The following DNAH5 variants were observed in gnomAD, a reference collection of about 807,000 sequenced individuals.
DNAH5 encodes dynein axonemal heavy chain 5.
Under a neutral mutation model 518.2 loss-of-function variants are expected in DNAH5, and 372 were observed. The observed-to-expected ratio is 0.72, with a 90% CI of 0.66 to 0.78. The LOEUF (loss-of-function observed/expected upper bound fraction) is 0.78. DNAH5 is among the 30% of genes least tolerant of loss of function. DNAH5 has a pLI of 0.00. For synonymous variants in DNAH5, 2,039 were observed against 2,025.9 expected (o/e 1.01, Z -0.17); for missense variants, 5,523 against 5,687.0 (o/e 0.97, Z 0.93).
intron 40 of DNAH5, 30 bp downstream of exon 40, chr5:13,823,233 C>T (rs1394198926): frequency 2.9e-6 from 4 of 1,384,890 alleles, no homozygotes; most frequent in Non-Finnish European, 4.1e-6. Context: ...AAACAGACAC[C>T]AGCCCTCGTT....
intron 43 of DNAH5, among the ~76,000 whole-genome samples, chr5:13,813,126 C>A (rs1760936108): frequency 1.3e-5 from 2 of 152,138 alleles, no homozygotes; most frequent in Non-Finnish European, 2.9e-5. Context: ...CAATCTGATT[C>A]TTCTCATGAG....
At position 13,829,512 on chromosome 5, in the gene DNAH5, G is replaced by C; in HGVS notation, c.6442C>G (p.Gln2148Glu). The part of the protein sequence containing the change: ...YKLCEEQLSK[Q>E]VHYDFGLRNI... ...ATAAGACCTCCAGGATGACACACCT[G>C]CTTAGAAAGCTGCTCCTCACACAGT... Residue 2148 changes from glutamine (Q) to glutamate (E), a missense_variant and splice_region_variant, in exon 38 of 79, where the codon CAG (glutamine) becomes GAG (glutamate). This residue lies in a region of DNAH5 where 5,121 missense variants were observed against 5,223.3 expected (regional missense o/e 0.98). Transcript: ENST00000265104. 6.2e-7 allele frequency: 1 copy of C among 1,614,084 alleles called. No individual in the cohort carries two copies. The highest frequency in any genetic ancestry group is 1.7e-5 in the Admixed American group (1 of 60,010).
intron 35 of DNAH5, among the ~76,000 whole-genome samples, chr5:13,833,442 CAA>C (rs59325595): frequency 5.0e-5 from 6 of 119,540 alleles, no homozygotes; most frequent in African/African-American, 6.3e-5. Flanking sequence ...GACTCCTTCC[CAA>C]AAAAAAAAAA....
Position 13,709,878 on chromosome 5 carries a change from C to T in DNAH5, c.13126-1543G>A, listed in dbSNP as rs1045415497. Among the ~76,000 whole-genome samples the T allele has an allele frequency of 3.3e-5, 5 of 152,184 alleles. No homozygotes were observed. In the East Asian group the frequency reaches 7.7e-4, roughly 23 times the overall value. ...CTACTTGGTGGTCCTTCCCTACCCACCCTGGTAGTGGAAGACAAACGGCAT... is the reference window on the plus strand; with the variant it reads ...CTACTTGGTGGTCCTTCCCTACCCATCCTGGTAGTGGAAGACAAACGGCAT... On this transcript the variant is annotated intron_variant, in intron 75 of 78. Coordinates refer to ENST00000265104, the MANE Select transcript of DNAH5 (RefSeq NM_001369.3).
intron 39 of DNAH5, among the ~76,000 whole-genome samples, chr5:13,823,615 G>A (rs912894917): frequency 1.3e-5 from 2 of 152,148 alleles, no homozygotes; most frequent in Non-Finnish European, 2.9e-5. Context: ...CTGTCTATGT[G>A]ACAATCTTTC....
At chr5:13,883,225 G>A (rs1029199431) in intron 19 of DNAH5, 131 bp from the exon 20 acceptor site, 41 of 1,032,942 alleles carry the variant, frequency 4.0e-5, no homozygotes, top group Non-Finnish European at 5.6e-5. Flanking sequence ...GAATGAATGA[G>A]TCAATTAAAA....
intron 57 of DNAH5, 117 bp from the exon 58 acceptor site, chr5:13,769,253 T>G (rs1752960862): frequency 3.3e-6 from 4 of 1,197,032 alleles, no homozygotes; most frequent in Non-Finnish European, 3.6e-6. Context: ...TGTTGTTTTT[T>G]TTTTTTTTTT....
chr5:13,933,607 G>A (rs1261416214), intron 1 of DNAH5, among the ~76,000 whole-genome samples: 5 of 151,804 alleles, frequency 3.3e-5, no homozygotes, highest in Admixed American at 1.3e-4. Context: ...CCTGGCCAAC[G>A]TGCCAAAACC....
chr5:13,782,527 C>T (rs764329232), intron 52 of DNAH5, among the ~76,000 whole-genome samples: 6 of 152,116 alleles, frequency 3.9e-5, no homozygotes, highest in African/African-American at 9.7e-5. Context: ...CTCTTCAGAT[C>T]TTCCCCTGAC....
At chr5:13,932,723 G>A (rs894193994) in intron 1 of DNAH5, among the ~76,000 whole-genome samples, 4 of 152,210 alleles carry the variant, frequency 2.6e-5, no homozygotes, top group African/African-American at 4.8e-5. Flanking sequence ...GTAGGCTGGT[G>A]TGATGCATGC....
intron 1 of DNAH5, among the ~76,000 whole-genome samples, chr5:13,996,295 A>G (rs1156233346): frequency 6.6e-6 from 1 of 152,130 alleles, no homozygotes; most frequent in Non-Finnish European, 1.5e-5. Flanking sequence ...CACTTAAACC[A>G]CAGCATTCTC....
chr5:13,877,572 T>C (rs1414936050), intron 21 of DNAH5, among the ~76,000 whole-genome samples: 1 of 152,148 alleles, frequency 6.6e-6, no homozygotes, highest in African/African-American at 2.4e-5. Flanking sequence ...TGAGAGAAAG[T>C]CAGAGACCAG....
chr5:13,875,096 T>C (rs1367795361), intron 22 of DNAH5, among the ~76,000 whole-genome samples: 1 of 152,230 alleles, frequency 6.6e-6, no homozygotes, highest in Non-Finnish European at 1.5e-5. Context: ...TTGTTATAAA[T>C]GCCAACCTTT....
At chr5:13,701,708 C>T (rs758276374) in intron 76 of DNAH5, among the ~76,000 whole-genome samples, 4 of 152,154 alleles carry the variant, frequency 2.6e-5, no homozygotes, top group Admixed American at 6.5e-5. Flanking sequence ...AGATATCTAA[C>T]GTCAATTGAA....
At chr5:13,956,050 C>T (rs1320931811) in intron 1 of DNAH5, among the ~76,000 whole-genome samples, 1 of 152,250 alleles carries the variant, frequency 6.6e-6, no homozygotes, top group African/African-American at 2.4e-5. Flanking sequence ...GTGGTACATG[C>T]TCTTCCCTAA....
At position 13,814,844 on chromosome 5, in the gene DNAH5, C is replaced by T; in HGVS notation, c.6991G>A (p.Glu2331Lys). 6.2e-7 allele frequency: 1 copy of T among 1,613,628 alleles called. No individual in the cohort carries two copies. Among genetic ancestry groups the T allele is most frequent in the Non-Finnish European group, 8.5e-7 (1 of 1,179,918 alleles). Residue 2331 changes from glutamate (E) to lysine (K), a missense_variant and splice_region_variant, in exon 43 of 79, where the codon GAA becomes AAA. Physicochemically the swap from Glu to Lys is moderately conservative, Grantham distance 56 (BLOSUM62 1). Transcript: ENST00000265104. ...CCATCAAGAATTATCCAGATATGTT[C>T]CCCTAGAATACCCCACCAAAGGGAA... The part of the protein sequence containing the change: ...WRKTLRAKKG[E>K]HIWIILDGPV...
chr5:13,702,630 T>C (rs943302203), intron 76 of DNAH5, among the ~76,000 whole-genome samples: 1 of 151,514 alleles, frequency 6.6e-6, no homozygotes, highest in Admixed American at 6.6e-5. Flanking sequence ...GCAATTCAGA[T>C]ACAAAACTCT....
chr5:13,729,426 A>T lies in DNAH5; in HGVS notation c.11883+13T>A. ...ACATGACATCAGCTTAAGTTGATTC[A>T]AAGCACAGTTACCTGGTCAAGGACA... On this transcript the variant is annotated intron_variant, in intron 69 of 78. Coordinates refer to ENST00000265104, the MANE Select transcript of DNAH5 (RefSeq NM_001369.3). 1 of 1,613,882 alleles carries T rather than the reference A, an allele frequency of 6.2e-7. No homozygotes were observed. The highest frequency in any genetic ancestry group is 8.5e-7 in the Non-Finnish European group (1 of 1,179,796).
In DNAH5 at chr5:13,769,605, C is replaced by G. The variant is rs551916005; in HGVS notation, c.9616G>C (p.Gly3206Arg). Residue 3206 changes from glycine (G) to arginine (R), a missense_variant, in exon 57 of 79, where the codon GGA (glycine) becomes CGA (arginine). Physicochemically the swap from Gly to Arg is moderately radical, Grantham distance 125 (BLOSUM62 -2). Around this residue, in one of 3 missense-constraint regions of DNAH5, gnomAD observed 5,121 missense variants for 5,223.3 expected, o/e 0.98. Transcript: ENST00000265104. ...GAAGCTTCTTTGAGCTTTTCCAATC[C>G]AGTATTCATTCTGGGATTGAAAATC... ...VRTLANRMNT[G>R]LEKLKEASES... is the part of the protein sequence containing the mutation. 1 of 1,613,744 alleles carries G rather than the reference C, an allele frequency of 6.2e-7. No homozygotes were observed. Among genetic ancestry groups the G allele is most frequent in the East Asian group, 2.2e-5 (1 of 44,870 alleles).
Sources: gnomAD v4.1 joint callset for allele counts (sites outside exome capture counted in the v4.1 genomes callset) on GRCh38, gnomAD v4.1.1 for gene constraint, gnomAD v4.1.1 regional missense constraint, MANE v1.5 for transcripts, NCBI Gene and HGNC (gene_info 2026-07-23, HGNC 2026-07-21) for gene names.